Variants in DIP2A observed in about 807,000 individuals in gnomAD.
DIP2A encodes DIP2 acetate--CoA ligase A.
A neutral mutation model predicts 177.4 loss-of-function variants in DIP2A; 85 were observed. That is an observed-to-expected ratio of 0.48 (90% CI 0.40 to 0.57). The LOEUF (loss-of-function observed/expected upper bound fraction) is 0.57, where lower values mean the gene tolerates loss of function less well. Among genes scored for constraint, DIP2A ranks in the 20% least tolerant of loss-of-function variants. The pLI, the probability that DIP2A is intolerant of heterozygous loss-of-function variation, is 0.00. For missense variants in DIP2A, 1,791 were observed against 2,100.2 expected (o/e 0.85, Z 2.88); for synonymous variants, 886 against 881.8 (o/e 1.00, Z -0.08).
chr21:46,561,492 G>A (rs2060660478), intron 33 of DIP2A: 1 of 556,880 alleles, frequency 1.8e-6, no homozygotes, highest in Non-Finnish European at 3.3e-6. Context: ...GTTCAGGGAG[G>A]ACCTAAACGA....
intron 18 of DIP2A, among the ~76,000 whole-genome samples, chr21:46,542,642 G>A (rs1255044875): frequency 6.6e-6 from 1 of 152,232 alleles, no homozygotes; most frequent in African/African-American, 2.4e-5. Context: ...ACACTGCCAC[G>A]TGGTCTGAGG....
At chr21:46,577,981 T>C in the DIP2A span, among the ~76,000 whole-genome samples, 1 of 152,246 alleles carries the variant, frequency 6.6e-6, no homozygotes, top group Non-Finnish European at 1.5e-5. Context: ...ACATTGATTT[T>C]GTATCCTGAG....
Position 46,537,664 on chromosome 21 carries a change from G to A in DIP2A, c.1801+125G>A. 1.1e-6 allele frequency: 1 copy of A among 948,442 alleles called. No individual in the cohort carries two copies. Among genetic ancestry groups the A allele is most frequent in the Non-Finnish European group, 1.6e-6 (1 of 622,214 alleles). The allele number at this position is 948,442 out of a possible 1,614,324, so 58.8% of individuals were successfully genotyped here. ...GCAGATGTAGGCTGAAGAGCTGTGG[G>A]ACGTCTTTCTTGGTCACACCCCTGC... On this transcript the variant is annotated intron_variant, in intron 15 of 37. Transcript: ENST00000417564. This position sits in a 1 kb window ranked among gnomAD's most constrained non-coding sequence, Gnocchi z 4.1.
At chr21:46,459,389 C>T (rs998664684) in intron 1 of DIP2A, among the ~76,000 whole-genome samples, 167 bp downstream of exon 1, 1 of 146,690 alleles carries the variant, frequency 6.8e-6, no homozygotes, top group Non-Finnish European at 1.5e-5. Context: ...CTCAACGGGA[C>T]CCCGGTTCCT....
intron 9 of DIP2A, among the ~76,000 whole-genome samples, chr21:46,531,529 A>G (rs1376120138): frequency 6.6e-6 from 1 of 152,208 alleles, no homozygotes; most frequent in Non-Finnish European, 1.5e-5. Flanking sequence ...AAGAATCACT[A>G]ATTTTCTTGA....
intron 1 of DIP2A, among the ~76,000 whole-genome samples, chr21:46,479,349 A>C (rs1474599006): frequency 6.6e-6 from 1 of 152,164 alleles, no homozygotes; most frequent in Non-Finnish European, 1.5e-5. Context: ...CCATAAATGG[A>C]GTTCCTATGT....
downstream of DIP2A, among the ~76,000 whole-genome samples, chr21:46,572,356 C>T (rs1308667479): frequency 1.3e-5 from 2 of 151,936 alleles, no homozygotes. Context: ...TAGTAGTGTA[C>T]AGTAATGTCC....
At chr21:46,479,586 T>G (rs923860106) in intron 1 of DIP2A, among the ~76,000 whole-genome samples, 1 of 152,182 alleles carries the variant, frequency 6.6e-6, no homozygotes, top group Non-Finnish European at 1.5e-5. Flanking sequence ...AGTGCAGTGG[T>G]GCGATCATAG....
chr21:46,466,314 G>C (rs1157005227), intron 1 of DIP2A, among the ~76,000 whole-genome samples: 1 of 146,452 alleles, frequency 6.8e-6, no homozygotes, highest in Non-Finnish European at 1.5e-5. Flanking sequence ...AAAGTTCACT[G>C]ATAAGAGTTA....
At position 46,537,402 on chromosome 21, in the gene DIP2A, G is replaced by A; in HGVS notation, c.1708-44G>A. The A allele has an allele frequency of 1.2e-6, 2 of 1,611,556 alleles. No homozygotes were observed. The highest frequency in any genetic ancestry group is 1.7e-6 in the Non-Finnish European group (2 of 1,177,844). ...TCGGTTTTGTTTTGCTTTTTCTGGT[G>A]TGGCTCGGGCCCACTCGCCCTAAGC... On this transcript the variant is annotated intron_variant, in intron 14 of 37. Transcript: ENST00000417564. The surrounding 1 kb of genome is among the most constrained non-coding windows in gnomAD (Gnocchi z 4.1).
At chr21:46,475,849 A>T (rs2055791371) in intron 1 of DIP2A, among the ~76,000 whole-genome samples, 1 of 152,150 alleles carries the variant, frequency 6.6e-6, no homozygotes, top group African/African-American at 2.4e-5. Context: ...TCCTGAAACA[A>T]TCGATAGTGT....
At chr21:46,491,396 CAA>C (rs1335407522) in intron 3 of DIP2A, among the ~76,000 whole-genome samples, 3 of 151,838 alleles carry the variant, frequency 2.0e-5, no homozygotes, top group African/African-American at 4.8e-5. Flanking sequence ...ATACTGAAAA[CAA>C]AGATTAAGAT....
chr21:46,570,831 T>C (rs2060955635), downstream of DIP2A, among the ~76,000 whole-genome samples: 1 of 152,200 alleles, frequency 6.6e-6, no homozygotes, highest in South Asian at 2.1e-4. Flanking sequence ...GAAGACTTCC[T>C]AAATTTGATG....
chr21:46,577,648 C>T, the DIP2A span, among the ~76,000 whole-genome samples: 2 of 151,988 alleles, frequency 1.3e-5, no homozygotes, highest in Non-Finnish European at 2.9e-5. Context: ...TTTAAAATAG[C>T]TTTTTTTCTA....
chr21:46,582,371 G>C, the DIP2A span, among the ~76,000 whole-genome samples: 1 of 152,202 alleles, frequency 6.6e-6, no homozygotes, highest in Non-Finnish European at 1.5e-5. Flanking sequence ...GTCTTAGGCA[G>C]TCTCTAGCCA....
In DIP2A at chr21:46,554,593, C is replaced by T. The variant is rs1304150017; in HGVS notation, c.3173C>T (p.Ala1058Val). 4 of 1,611,746 alleles carry T rather than the reference C, an allele frequency of 2.5e-6. No individual in the cohort carries two copies. The highest frequency in any genetic ancestry group is 2.2e-5 in the East Asian group (1 of 44,820). The change falls in exon 27 of 38, where the codon GCG becomes GTG. Residue 1058 changes from alanine (A) to valine (V), a missense_variant. Physicochemically the swap from Ala to Val is moderately conservative, Grantham distance 64 (BLOSUM62 0). Transcript: ENST00000417564. ...TCCACAGGGGTGGACCTCATTGCCG[C>T]GTTCTATGGCTGCTTGTACTGTGGC... ...VYPPGVDLIA[A>V]FYGCLYCGCV...
Position 46,459,286 on chromosome 21 carries a change from T to C in DIP2A, c.91+64T>C, listed in dbSNP as rs1290426263. 4.9e-6 allele frequency: 6 copies of C among 1,220,522 alleles called. No individual in the cohort carries two copies. The South Asian group carries it at 6.6e-5, about 13-fold the overall frequency. 75.6% of individuals were successfully genotyped at this position (1,220,522 alleles called of 1,614,324 possible). A position where few individuals can be genotyped will look rare whatever the true frequency, so the allele number is the denominator to read the frequency against. ...TCAGCCCGGTCCCCCGCGCAGCCCCTCACTCCGGGACCCCCGCGCGGCCCC... is the reference window on the plus strand; with the variant it reads ...TCAGCCCGGTCCCCCGCGCAGCCCCCCACTCCGGGACCCCCGCGCGGCCCC... On this transcript the variant is annotated intron_variant, in intron 1 of 37. Coordinates refer to ENST00000417564, the MANE Select transcript of DIP2A (RefSeq NM_015151.4).
intron 8 of DIP2A, among the ~76,000 whole-genome samples, chr21:46,528,490 A>C: frequency 7.8e-6 from 1 of 127,886 alleles, no homozygotes; most frequent in Non-Finnish European, 1.6e-5. Context: ...ATATGTACAT[A>C]TACATATGTA....
At chr21:46,540,079 T>TGCCTG in intron 17 of DIP2A, 88 bp downstream of exon 17, 11 of 1,185,370 alleles carry the variant, frequency 9.3e-6, no homozygotes, top group Non-Finnish European at 9.9e-6. Flanking sequence ...CCTGTGCCTG[T>TGCCTG]TAGGATCCAG....
Sources: allele counts gnomAD v4.1 joint callset (sites outside exome capture counted in the v4.1 genomes callset), GRCh38; gene constraint gnomAD v4.1.1; non-coding constraint Gnocchi (gnomAD v3.1); transcripts MANE v1.5; gene names NCBI Gene and HGNC (gene_info 2026-07-23, HGNC 2026-07-21).